LRRN1: variants seen among roughly 807,000 people sequenced by gnomAD.
The protein encoded by LRRN1 is leucine-rich repeat neuronal protein 1.
LRRN1 carries 14 observed loss-of-function variants against 45.8 expected under a neutral mutation model. The ratio of observed to expected loss-of-function variants is 0.31; its 90% CI spans 0.20 to 0.48. The LOEUF is 0.48. LRRN1 is among the 20% of genes least tolerant of loss of function. The pLI, the probability that LRRN1 is intolerant of heterozygous loss-of-function variation, is 0.99. For missense variants in LRRN1, 789 were observed against 874.2 expected (o/e 0.90, Z 1.23); for synonymous variants, 359 against 330.1 (o/e 1.09, Z -0.95).
rs78009848 is a variant in LRRN1 at position 3,804,757 on chromosome 3, CA to C, written c.-279+4839del. 8.8e-3 allele frequency among the ~76,000 whole-genome samples: 1,332 copies of C among 150,814 alleles called. 67 individuals carry two copies. The East Asian group carries it at 0.15, about 17-fold the overall frequency. Reference sequence around the variant, plus strand: ...GTGTATGAAACAGACACACTGGTGGCATTTTTTGGTTACCATAGTTACATTA... The same window carrying C: ...GTGTATGAAACAGACACACTGGTGGCTTTTTTGGTTACCATAGTTACATTA... On this transcript the variant is annotated intron_variant, in intron 1 of 1. Coordinates refer to ENST00000319331, the MANE Select transcript of LRRN1 (RefSeq NM_020873.7).
rs1692985109 is a variant in LRRN1 at position 3,816,241 on chromosome 3, G to A, written c.-279+16322G>A. Among the ~76,000 whole-genome samples, 1 of 152,114 alleles carries A rather than the reference G, an allele frequency of 6.6e-6. No homozygotes were observed. The highest frequency in any genetic ancestry group is 1.5e-5 in the Non-Finnish European group (1 of 68,018). ...GTGTAATTAAGGACCATCCACTAAT[G>A]TGCACTGGTGGATTTATGGTTTCCA... is the stretch of plus-strand genomic sequence containing the variant. On this transcript the variant is annotated intron_variant, in intron 1 of 1. Transcript: ENST00000319331. The surrounding 1 kb of genome is among the most constrained non-coding windows in gnomAD (Gnocchi z 4.0).
At chr3:3,815,996 TAGG>T (rs890821568) in intron 1 of LRRN1, among the ~76,000 whole-genome samples, 1 of 152,124 alleles carries the variant, frequency 6.6e-6, no homozygotes, top group African/African-American at 2.4e-5. Context: ...ATTAGAAAAA[TAGG>T]AGGTAAGCCA....
chr3:3,817,972 C>T (rs1335054222), intron 1 of LRRN1, among the ~76,000 whole-genome samples: 1 of 152,206 alleles, frequency 6.6e-6, no homozygotes, highest in African/African-American at 2.4e-5. Context: ...AAATCTATGG[C>T]TCAGTATTAG....
At chr3:3,842,653 C>T (rs1693674556) in intron 1 of LRRN1, among the ~76,000 whole-genome samples, 1 of 152,110 alleles carries the variant, frequency 6.6e-6, no homozygotes, top group Non-Finnish European at 1.5e-5. Flanking sequence ...CACATATGCT[C>T]TATTTTATTA....
chr3:3,815,857 T>C (rs1229423954), intron 1 of LRRN1, among the ~76,000 whole-genome samples: 2 of 152,268 alleles, frequency 1.3e-5, no homozygotes, highest in East Asian at 3.9e-4. Context: ...ACATATATGA[T>C]TGCACTGCAA....
rs529149353 is a variant in LRRN1 at position 3,816,743 on chromosome 3, G to A, written c.-279+16824G>A. Among the ~76,000 whole-genome samples, 55 of 152,214 alleles carry A rather than the reference G, an allele frequency of 3.6e-4. 1 individual carries two copies. In the South Asian group the frequency reaches 9.9e-3, roughly 28 times the overall value. On this transcript the variant is annotated intron_variant, in intron 1 of 1. Coordinates refer to ENST00000319331, the MANE Select transcript of LRRN1 (RefSeq NM_020873.7). This position sits in a 1 kb window ranked among gnomAD's most constrained non-coding sequence, Gnocchi z 4.0. ...TAATGCTCTAGTTAACCAAGGTTTC[G>A]CTCTACAAGTTAGCTTTCTTCTACG...
At chr3:3,805,344 T>A (rs929891939) in intron 1 of LRRN1, among the ~76,000 whole-genome samples, 7 of 152,344 alleles carry the variant, frequency 4.6e-5, no homozygotes, top group African/African-American at 1.7e-4. Context: ...ATCATTAACC[T>A]GCATTGTTAT....
In LRRN1 at chr3:3,848,723, G is replaced by A. The variant is rs748143051; in HGVS notation, c.*1931G>A. On this transcript the variant is annotated 3_prime_UTR_variant, in exon 2 of 2. Coordinates refer to ENST00000319331, the MANE Select transcript of LRRN1 (RefSeq NM_020873.7). ...TTGGTGAGAAAAACCTGGGCCCAGG[G>A]AGGGCTTGCAGCTTACCCAGTTCGG... 5.9e-5 allele frequency among the ~76,000 whole-genome samples: 9 copies of A among 152,130 alleles called. No individual in the cohort carries two copies. The South Asian group carries it at 6.2e-4, about 11-fold the overall frequency.
At chr3:3,807,036 A>C (rs1692776256) in intron 1 of LRRN1, among the ~76,000 whole-genome samples, 1 of 152,200 alleles carries the variant, frequency 6.6e-6, no homozygotes, top group Non-Finnish European at 1.5e-5. Context: ...CTAACAGGTA[A>C]CAAGCTGACG....
rs1693853130 is a variant in LRRN1, at chr3:3,849,548, C to G, written c.*2756C>G. 1.3e-5 allele frequency among the ~76,000 whole-genome samples: 2 copies of G among 152,178 alleles called. No individual in the cohort carries two copies. Among genetic ancestry groups the G allele is most frequent in the East Asian group, 3.8e-4 (2 of 5,200 alleles). ...ATAATGAATGTTATGTCACCTTTAA[C>G]AGTGAAGTGGTTATTATAGGTCACT... On this transcript the variant is annotated 3_prime_UTR_variant, in exon 2 of 2. Coordinates refer to ENST00000319331, the MANE Select transcript of LRRN1 (RefSeq NM_020873.7).
intron 1 of LRRN1, among the ~76,000 whole-genome samples, chr3:3,840,515 C>G (rs1229900128): frequency 2.0e-5 from 3 of 152,110 alleles, no homozygotes; most frequent in Non-Finnish European, 2.9e-5. Context: ...TAAAGTTGTT[C>G]TATGTATAAT....
At chr3:3,807,476 G>C (rs910341697) in intron 1 of LRRN1, among the ~76,000 whole-genome samples, 1 of 152,200 alleles carries the variant, frequency 6.6e-6, no homozygotes, top group Non-Finnish European at 1.5e-5. Context: ...TAGAGCAGGG[G>C]AGACAGATTT....
In LRRN1 at chr3:3,845,542, G is replaced by A. The variant is rs757980954; in HGVS notation, c.901G>A (p.Val301Ile). The change falls in exon 2 of 2, where the codon GTT becomes ATT. Residue 301 changes from valine (V) to isoleucine (I), a missense_variant. By Grantham distance (29) the Val-to-Ile change is conservative. Coordinates refer to ENST00000319331, the MANE Select transcript of LRRN1 (RefSeq NM_020873.7). The surrounding 1 kb of genome is among the most constrained non-coding windows in gnomAD (Gnocchi z 6.5). ...GGGAATCAACAATATGGGCGAGCTC[G>A]TTTCTGTCGACCGCTATGCCCTGGA... The part of the protein sequence containing the change: ...ELGINNMGEL[V>I]SVDRYALDNL... The A allele has an allele frequency of 1.3e-5, 21 of 1,613,948 alleles. No homozygotes were observed. In the East Asian group the frequency reaches 1.8e-4, roughly 14 times the overall value.
intron 1 of LRRN1, among the ~76,000 whole-genome samples, chr3:3,834,343 A>G (rs1693437704): frequency 6.6e-6 from 1 of 151,314 alleles, no homozygotes; most frequent in Admixed American, 6.6e-5. Flanking sequence ...AACAACGACT[A>G]TCAGTGTTCT....
chr3:3,842,331 C>T (rs1169026960), intron 1 of LRRN1, among the ~76,000 whole-genome samples: 1 of 151,576 alleles, frequency 6.6e-6, no homozygotes, highest in Non-Finnish European at 1.5e-5. Flanking sequence ...TAGCAGGCAT[C>T]TAGTATCAGG....
chr3:3,824,224 A>G (rs1693168353), intron 1 of LRRN1, among the ~76,000 whole-genome samples: 1 of 152,208 alleles, frequency 6.6e-6, no homozygotes, highest in African/African-American at 2.4e-5. Flanking sequence ...TGGTTAGTAC[A>G]TAGTCTTTTA....
At chr3:3,825,139 T>C (rs550563311) in intron 1 of LRRN1, among the ~76,000 whole-genome samples, 12 of 152,328 alleles carry the variant, frequency 7.9e-5, no homozygotes, top group South Asian at 4.1e-4. Context: ...TTTTCATTTT[T>C]CTTTTGCTTT....
intron 1 of LRRN1, among the ~76,000 whole-genome samples, chr3:3,820,052 T>TTTG (rs71040092): frequency 1.7e-4 from 26 of 151,842 alleles, no homozygotes; most frequent in South Asian, 6.3e-4. Flanking sequence ...CCCATTCTCT[T>TTTG]TTGTTGTTGT....
At chr3:3,817,971 G>A (rs555487262) in intron 1 of LRRN1, among the ~76,000 whole-genome samples, 3 of 152,224 alleles carry the variant, frequency 2.0e-5, no homozygotes, top group Non-Finnish European at 4.4e-5. Flanking sequence ...AAAATCTATG[G>A]CTCAGTATTA....
Sources: gnomAD v4.1 joint callset for allele counts (sites outside exome capture counted in the v4.1 genomes callset) on GRCh38, gnomAD v4.1.1 for gene constraint, Gnocchi (gnomAD v3.1) non-coding constraint, MANE v1.5 for transcripts, NCBI Gene and HGNC (gene_info 2026-07-23, HGNC 2026-07-21) for gene names.